RARB: variants seen among roughly 807,000 people sequenced by gnomAD.
The protein encoded by RARB is HBV-activated protein.
In RARB, 17 loss-of-function variants were observed where a neutral mutation model predicts 51.9. That is an observed-to-expected ratio of 0.33 (90% confidence interval 0.22 to 0.49). RARB has a LOEUF of 0.49. RARB is among the 20% of genes least tolerant of loss of function. RARB has a pLI of 0.99. For missense variants in RARB, 369 were observed against 550.8 expected, an observed-to-expected ratio of 0.67 and a Z score of 3.30; for synonymous variants, 215 against 195.4, an observed-to-expected ratio of 1.10 and a Z score of -0.84.
intron 4 of RARB, among the ~76,000 whole-genome samples, chr3:25,573,368 G>A (rs545404691): frequency 9.2e-4 from 140 of 152,236 alleles, no homozygotes; most frequent in African/African-American, 3.2e-3. Flanking sequence ...CTCAACTGGG[G>A]CCCACCCTCC....
At chr3:25,481,800 T>A (rs1279780229) in intron 2 of RARB, among the ~76,000 whole-genome samples, 2 of 152,210 alleles carry the variant, frequency 1.3e-5, no homozygotes, top group Non-Finnish European at 1.5e-5. Context: ...AACACTTCTG[T>A]CTGTCTTTAA....
intron 5 of RARB, among the ~76,000 whole-genome samples, chr3:25,401,813 G>A (rs1022993618): frequency 7.9e-5 from 12 of 152,090 alleles, no homozygotes; most frequent in East Asian, 3.9e-4. Flanking sequence ...GTCTCCCTCC[G>A]TCGCCCAGGC....
chr3:25,288,146 A>G (rs1703701144), intron 5 of RARB, among the ~76,000 whole-genome samples: 1 of 152,216 alleles, frequency 6.6e-6, no homozygotes, highest in Non-Finnish European at 1.5e-5. Context: ...TGCAAATACT[A>G]TAAAGAAGCT....
intron 3 of RARB, among the ~76,000 whole-genome samples, chr3:25,070,963 C>T (rs1420162604): frequency 1.3e-5 from 2 of 152,186 alleles, no homozygotes; most frequent in Non-Finnish European, 2.9e-5. Context: ...TTCACAAGCT[C>T]TTGCCTTGCC....
intron 5 of RARB, among the ~76,000 whole-genome samples, chr3:25,585,589 C>T (rs1461550311): frequency 6.6e-6 from 1 of 152,164 alleles, no homozygotes; most frequent in East Asian, 1.9e-4. Flanking sequence ...TTCATATCAG[C>T]CCCGTGGGCA....
chr3:24,973,704 C>A (rs1696449804), intron 2 of RARB, among the ~76,000 whole-genome samples: 1 of 151,862 alleles, frequency 6.6e-6, no homozygotes, highest in Non-Finnish European at 1.5e-5. Context: ...ATTTTATATT[C>A]TTTGCAGCTA....
intron 2 of RARB, among the ~76,000 whole-genome samples, chr3:24,951,327 A>G (rs1422405870): frequency 6.6e-6 from 1 of 152,120 alleles, no homozygotes; most frequent in African/African-American, 2.4e-5. Context: ...ACTGGATGTG[A>G]GTCAGTGCAT....
At chr3:24,907,099 T>C (rs1452180105) in intron 2 of RARB, among the ~76,000 whole-genome samples, 3 of 152,088 alleles carry the variant, frequency 2.0e-5, no homozygotes, top group Non-Finnish European at 4.4e-5. Context: ...GCACCCCCCA[T>C]GTGATAGGTA....
intron 2 of RARB, among the ~76,000 whole-genome samples, chr3:25,030,081 G>A (rs1697836632): frequency 6.6e-6 from 1 of 152,202 alleles, no homozygotes; most frequent in Non-Finnish European, 1.5e-5. Context: ...GTGCTAGAAT[G>A]GAGTCATGCA....
chr3:25,096,320 G>A (rs1249498607), intron 3 of RARB, among the ~76,000 whole-genome samples: 8 of 152,028 alleles, frequency 5.3e-5, no homozygotes, highest in African/African-American at 1.9e-4. Flanking sequence ...GAACTTGTAT[G>A]GTGCCTCAAG....
intron 3 of RARB, among the ~76,000 whole-genome samples, chr3:25,517,356 A>G (rs1698212832): frequency 1.3e-5 from 2 of 152,252 alleles, no homozygotes; most frequent in African/African-American, 4.8e-5. Flanking sequence ...ATTCCACCAA[A>G]GAAAATATAC....
At chr3:25,453,742 G>A (rs184502221) in intron 1 of RARB, among the ~76,000 whole-genome samples, 301 of 152,206 alleles carry the variant, frequency 2.0e-3, no homozygotes, top group Non-Finnish European at 3.3e-3. Flanking sequence ...TCCAGCCCTC[G>A]GCCAGGATCC....
intron 2 of RARB, among the ~76,000 whole-genome samples, chr3:24,895,828 G>C (rs572593975): frequency 6.6e-6 from 1 of 152,082 alleles, no homozygotes; most frequent in Non-Finnish European, 1.5e-5. Context: ...AAAAAATGAA[G>C]CATAGAATAA....
intron 2 of RARB, chr3:25,060,070 T>G (rs998894441): frequency 1.8e-4 from 27 of 151,968 alleles, no homozygotes; most frequent in African/African-American, 5.5e-4. Context: ...AGTGATAGAA[T>G]GTTAAAATTG....
intron 2 of RARB, among the ~76,000 whole-genome samples, chr3:24,948,187 C>G (rs567828402): frequency 3.9e-5 from 6 of 152,178 alleles, no homozygotes; most frequent in Non-Finnish European, 8.8e-5. Context: ...CCTTGAAGAT[C>G]TGAAGTCTCA....
intron 5 of RARB, among the ~76,000 whole-genome samples, chr3:25,369,665 G>T (rs1446161763): frequency 6.6e-6 from 1 of 152,208 alleles, no homozygotes; most frequent in Non-Finnish European, 1.5e-5. Context: ...GCTCACGCCT[G>T]TAATCCCAGC....
At chr3:24,953,983 T>C (rs1390594817) in intron 2 of RARB, among the ~76,000 whole-genome samples, 1 of 152,196 alleles carries the variant, frequency 6.6e-6, no homozygotes. Context: ...AGCGCTCAGA[T>C]GAGTTTTGTC....
chr3:25,233,648 C>A (rs1187239631), intron 5 of RARB, among the ~76,000 whole-genome samples: 1 of 151,922 alleles, frequency 6.6e-6, no homozygotes, highest in South Asian at 2.1e-4. Context: ...AGTCTTTCAC[C>A]CTTTAGCATG....
intron 2 of RARB, among the ~76,000 whole-genome samples, chr3:24,879,917 C>T (rs775439167): frequency 6.6e-6 from 1 of 151,424 alleles, no homozygotes; most frequent in Non-Finnish European, 1.5e-5. Flanking sequence ...TTTTGTCCTG[C>T]GTGAATCCCA....
Sources: gnomAD v4.1 joint callset for allele counts (sites outside exome capture counted in the v4.1 genomes callset) on GRCh38, gnomAD v4.1.1 for gene constraint, MANE v1.5 for transcripts, NCBI Gene and HGNC (gene_info 2026-07-23, HGNC 2026-07-21) for gene names.